PTPRD: variants seen among roughly 807,000 people sequenced by gnomAD.
PTPRD encodes the protein receptor-type tyrosine-protein phosphatase delta.
In PTPRD, 34 loss-of-function variants were observed where a neutral mutation model predicts 214.5. That is an observed-to-expected ratio of 0.16 (90% CI 0.12 to 0.21). The LOEUF (loss-of-function observed/expected upper bound fraction) is 0.21. Ranked by LOEUF, PTPRD falls within the 10% of genes least tolerant of loss-of-function variation. PTPRD has a pLI of 1.00. For synonymous variants in PTPRD, 1,128 were observed against 845.7 expected (o/e 1.33, Z -5.79); for missense variants, 2,545 against 2,398.7 (o/e 1.06, Z -1.27).
chr9:9,912,022 C>G (rs2079344003), intron 5 of PTPRD, among the ~76,000 whole-genome samples: 1 of 151,912 alleles, frequency 6.6e-6, no homozygotes, highest in South Asian at 2.1e-4. Flanking sequence ...GAATGTCAAT[C>G]AAGAATAAGA....
chr9:10,266,328 A>G (rs1357585715), intron 3 of PTPRD, among the ~76,000 whole-genome samples: 1 of 152,198 alleles, frequency 6.6e-6, no homozygotes, highest in African/African-American at 2.4e-5. Flanking sequence ...ATTATTTAAT[A>G]CAAATTTTTA....
At chr9:10,193,502 G>T (rs1281389063) in intron 3 of PTPRD, among the ~76,000 whole-genome samples, 1 of 152,074 alleles carries the variant, frequency 6.6e-6, no homozygotes, top group Non-Finnish European at 1.5e-5. Context: ...GCAAACAAAT[G>T]TAAAAGCGGG....
intron 3 of PTPRD, among the ~76,000 whole-genome samples, chr9:10,058,670 T>G (rs2154165132): frequency 6.6e-6 from 1 of 152,190 alleles, no homozygotes; most frequent in South Asian, 2.1e-4. Context: ...TTTAAAACAT[T>G]TCCAGAGACA....
In PTPRD at chr9:8,506,737, A is replaced by G. The variant is rs538972431; in HGVS notation, c.1677+564T>C. Among the ~76,000 whole-genome samples, 11 of 152,320 alleles carry G rather than the reference A, an allele frequency of 7.2e-5. No homozygotes were observed. The East Asian group carries it at 2.1e-3, about 29-fold the overall frequency. On this transcript the variant is annotated intron_variant, in intron 22 of 45. Transcript: ENST00000381196. Reference sequence around the variant, plus strand: ...ATTTTCATTTCTCTTTTCAGTGACGATCAACAATTGCCATGCCTTCTACAA... The same window carrying G: ...ATTTTCATTTCTCTTTTCAGTGACGGTCAACAATTGCCATGCCTTCTACAA...
chr9:9,210,849 A>G (rs988672761), intron 9 of PTPRD, among the ~76,000 whole-genome samples: 5 of 151,980 alleles, frequency 3.3e-5, no homozygotes, highest in Non-Finnish European at 7.4e-5. Flanking sequence ...ACAAGTGGTT[A>G]ATTTTGTTTC....
At chr9:9,437,231 T>C (rs146286632) in intron 8 of PTPRD, among the ~76,000 whole-genome samples, 8 of 152,354 alleles carry the variant, frequency 5.3e-5, no homozygotes, top group African/African-American at 1.9e-4. Flanking sequence ...GATTTTATCA[T>C]ATAACTAAAG....
intron 36 of PTPRD, among the ~76,000 whole-genome samples, chr9:8,403,316 A>C (rs2130454423): frequency 6.6e-6 from 1 of 152,318 alleles, no homozygotes; most frequent in East Asian, 1.9e-4. Flanking sequence ...AGCTACTATA[A>C]TTTATTTGTT....
intron 4 of PTPRD, among the ~76,000 whole-genome samples, chr9:10,029,072 A>G (rs2096992534): frequency 6.6e-6 from 1 of 152,218 alleles, no homozygotes; most frequent in African/African-American, 2.4e-5. Flanking sequence ...CCATGGCTTC[A>G]GAGGGTGCAA....
intron 3 of PTPRD, among the ~76,000 whole-genome samples, chr9:10,260,336 T>A (rs1165754027): frequency 1.3e-5 from 2 of 152,150 alleles, no homozygotes; most frequent in Non-Finnish European, 2.9e-5. Flanking sequence ...CACAGTCTTG[T>A]CCTAATTATA....
chr9:9,912,239 C>A (rs1326846634), intron 5 of PTPRD, among the ~76,000 whole-genome samples: 2 of 151,858 alleles, frequency 1.3e-5, no homozygotes, highest in Non-Finnish European at 2.9e-5. Context: ...CAGGTCAGCC[C>A]CTCTGGAAAA....
chr9:9,652,722 C>A (rs928041405), intron 7 of PTPRD, among the ~76,000 whole-genome samples: 2 of 151,610 alleles, frequency 1.3e-5, no homozygotes, highest in Non-Finnish European at 2.9e-5. Context: ...TCAAGCAATT[C>A]TCCTACCTCA....
intron 9 of PTPRD, among the ~76,000 whole-genome samples, chr9:9,357,472 G>A (rs539366178): frequency 6.6e-6 from 1 of 151,200 alleles, no homozygotes; most frequent in Non-Finnish European, 1.5e-5. Flanking sequence ...AAAGCTTGGT[G>A]AGAACTTTGA....
intron 14 of PTPRD, among the ~76,000 whole-genome samples, chr9:8,551,493 T>C (rs1457853454): frequency 6.6e-6 from 1 of 152,168 alleles, no homozygotes; most frequent in Non-Finnish European, 1.5e-5. Context: ...CTTTTCTTCC[T>C]CTTTGTTTTT....
At chr9:8,780,708 T>G (rs1021809177) in intron 11 of PTPRD, among the ~76,000 whole-genome samples, 1 of 152,186 alleles carries the variant, frequency 6.6e-6, no homozygotes, top group Non-Finnish European at 1.5e-5. Flanking sequence ...TGAATTATCA[T>G]GCATGACCTT....
intron 3 of PTPRD, among the ~76,000 whole-genome samples, chr9:10,132,286 T>C (rs867382452): frequency 4.5e-4 from 69 of 152,162 alleles, no homozygotes; most frequent in African/African-American, 1.5e-3. Flanking sequence ...TTCATTCTGA[T>C]TTATCATTGT....
intron 2 of PTPRD, among the ~76,000 whole-genome samples, chr9:10,459,167 T>G (rs36179645): frequency 4.6e-5 from 7 of 152,186 alleles, no homozygotes; most frequent in African/African-American, 1.7e-4. Flanking sequence ...TCTGTCCTTG[T>G]GCCAGTTTGC....
In PTPRD at chr9:8,677,033, G is replaced by A. The variant is rs190292859; in HGVS notation, c.65-40189C>T. ...TCATTTAGTTATAAAAAGCCATAAT[G>A]GACAAAGACATAATCAAACGGCATT... On this transcript the variant is annotated intron_variant, in intron 12 of 45. Transcript: ENST00000381196. Among the ~76,000 whole-genome samples the A allele has an allele frequency of 4.6e-5, 7 of 152,272 alleles. No individual in the cohort carries two copies. The East Asian group carries it at 1.2e-3, about 25-fold the overall frequency.
At chr9:9,130,006 G>C (rs1389778617) in intron 10 of PTPRD, among the ~76,000 whole-genome samples, 1 of 152,114 alleles carries the variant, frequency 6.6e-6, no homozygotes, top group Non-Finnish European at 1.5e-5. Flanking sequence ...GCACTTAAGA[G>C]TGCCTGACAT....
chr9:9,075,890 T>C (rs547608961), intron 10 of PTPRD, among the ~76,000 whole-genome samples: 52 of 152,212 alleles, frequency 3.4e-4, no homozygotes, highest in Non-Finnish European at 6.2e-4. Context: ...TGTGTCTTTA[T>C]AGCAGCATGA....
Sources: allele counts gnomAD v4.1 joint callset (sites outside exome capture counted in the v4.1 genomes callset), GRCh38; gene constraint gnomAD v4.1.1; transcripts MANE v1.5; gene names NCBI Gene and HGNC (gene_info 2026-07-23, HGNC 2026-07-21).